LAMA3: variants seen among roughly 807,000 people sequenced by gnomAD.
LAMA3 encodes laminin subunit alpha 3.
In LAMA3, 281 loss-of-function variants were observed where a neutral mutation model predicts 402.0. That is an observed-to-expected ratio of 0.70 (90% confidence interval 0.63 to 0.77). The LOEUF (loss-of-function observed/expected upper bound fraction) is 0.77, where lower values mean the gene tolerates loss of function less well. Ranked by LOEUF, LAMA3 falls within the 30% of genes least tolerant of loss-of-function variation. LAMA3 has a pLI of 0.00. For missense variants in LAMA3, 3,840 were observed against 4,215.5 expected (o/e 0.91, Z 2.47); for synonymous variants, 1,431 against 1,558.4 (o/e 0.92, Z 1.93).
intron 44 of LAMA3, among the ~76,000 whole-genome samples, chr18:23,895,687 CTCTT>C (rs2080853288): frequency 6.6e-6 from 1 of 152,104 alleles, no homozygotes; most frequent in Non-Finnish European, 1.5e-5. Flanking sequence ...TATGACTTAT[CTCTT>C]TCTCTTATTT....
intron 22 of LAMA3, 115 bp downstream of exon 22, chr18:23,826,914 T>A (rs1005785288): frequency 2.8e-6 from 2 of 703,350 alleles, no homozygotes; most frequent in Admixed American, 4.4e-5. Context: ...ATGCTCTGGA[T>A]AATTAGTTGT....
chr18:23,784,788 T>C (rs1362961581), intron 12 of LAMA3, among the ~76,000 whole-genome samples: 1 of 152,014 alleles, frequency 6.6e-6, no homozygotes, highest in Non-Finnish European at 1.5e-5. Flanking sequence ...TTTGCCCAAA[T>C]TATTCTCCCC....
intron 23 of LAMA3, among the ~76,000 whole-genome samples, chr18:23,831,985 G>A (rs2063497758): frequency 6.6e-6 from 1 of 152,156 alleles, no homozygotes. Context: ...AAGCAGTAAA[G>A]TTTCTGTGTG....
chr18:23,713,807 A>G, intron 1 of LAMA3, 113 bp from the exon 2 acceptor site: 6 of 907,304 alleles, frequency 6.6e-6, no homozygotes, highest in Non-Finnish European at 1.0e-5. Context: ...TCTAAGCTGT[A>G]TAAGATAGTC....
At chr18:23,947,837 A>C (rs1599175709) in intron 70 of LAMA3, among the ~76,000 whole-genome samples, 1 of 130,082 alleles carries the variant, frequency 7.7e-6, no homozygotes, top group African/African-American at 2.9e-5. Context: ...TTTGAGACGG[A>C]GTCTTGCTCT....
chr18:23,804,642 G>C (rs2062928110), intron 12 of LAMA3, among the ~76,000 whole-genome samples: 1 of 152,202 alleles, frequency 6.6e-6, no homozygotes. Flanking sequence ...ATGTAGGACA[G>C]TGATATAGTT....
intron 39 of LAMA3, among the ~76,000 whole-genome samples, chr18:23,876,982 C>T (rs1359294800): frequency 6.6e-6 from 1 of 152,214 alleles, no homozygotes; most frequent in Non-Finnish European, 1.5e-5. Flanking sequence ...GATCGTGCCA[C>T]TGCACTGCAG....
At chr18:23,946,358 C>G (rs2082714100) in intron 70 of LAMA3, 74 bp downstream of exon 70, 2 of 1,400,758 alleles carry the variant, frequency 1.4e-6, no homozygotes, top group Middle Eastern at 1.8e-4. Context: ...ATGAGATATT[C>G]AAAATACTCA....
intron 2 of LAMA3, among the ~76,000 whole-genome samples, chr18:23,720,677 C>T (rs1223177193): frequency 1.3e-5 from 2 of 152,166 alleles, no homozygotes; most frequent in East Asian, 1.9e-4. Flanking sequence ...TCATGAGGCA[C>T]AGCCCTTGAA....
At chr18:23,753,087 C>G (rs1435530094) in intron 5 of LAMA3, among the ~76,000 whole-genome samples, 1 of 152,226 alleles carries the variant, frequency 6.6e-6, no homozygotes, top group East Asian at 1.9e-4. Context: ...AGGGTATACA[C>G]ATATTTGTGG....
At position 23,939,079 on chromosome 18, in the gene LAMA3, T is replaced by G; in HGVS notation, c.8863-144T>G. ...CGCAGGAAGGGCTCTCAGCGGAAAC[T>G]TCCCATCTCCATGGTACCAGGCCTT... is the stretch of plus-strand genomic sequence containing the variant. On this transcript the variant is annotated intron_variant, in intron 67 of 74. Transcript: ENST00000313654. The G allele has an allele frequency of 3.5e-6, 3 of 849,172 alleles. No individual in the cohort carries two copies. In the South Asian group the frequency reaches 4.3e-5, roughly 12 times the overall value. The allele number at this position is 849,172 out of a possible 1,614,324, so 52.6% of individuals were successfully genotyped here. A position where few individuals can be genotyped will look rare whatever the true frequency, so the allele number is the denominator to read the frequency against.
chr18:23,730,479 T>G (rs1399319434), intron 2 of LAMA3, among the ~76,000 whole-genome samples: 1 of 151,566 alleles, frequency 6.6e-6, no homozygotes, highest in East Asian at 2.0e-4. Flanking sequence ...GCGATTCTCC[T>G]GATTCAGCCT....
intron 49 of LAMA3, among the ~76,000 whole-genome samples, chr18:23,903,343 T>C (rs1033958535): frequency 1.3e-5 from 2 of 152,224 alleles, no homozygotes; most frequent in Non-Finnish European, 2.9e-5. Flanking sequence ...TTGTCCGCAA[T>C]GAGCAAATCA....
rs2062310666 is a variant in LAMA3, at chr18:23,776,040, T to G, written c.1405+117T>G. 8 of 1,046,220 alleles carry G rather than the reference T, an allele frequency of 7.6e-6. No individual in the cohort carries two copies. In the East Asian group the frequency reaches 1.9e-4, roughly 25 times the overall value. The allele number at this position is 1,046,220 out of a possible 1,614,324, so 64.8% of individuals were successfully genotyped here. On this transcript the variant is annotated intron_variant, in intron 10 of 74. Transcript: ENST00000313654. ...AAGGAGAGACAGAAATGGGGCCAGG[T>G]GGGTTGTATTTATGTAAAAGTGTTT... is the stretch of plus-strand genomic sequence containing the variant.
chr18:23,942,766 C>T (rs2082569966), intron 68 of LAMA3, among the ~76,000 whole-genome samples: 1 of 152,024 alleles, frequency 6.6e-6, no homozygotes, highest in African/African-American at 2.4e-5. Flanking sequence ...TTAGTAGAGA[C>T]AGGGTTTCCC....
chr18:23,861,771 G>A lies in LAMA3; in HGVS notation c.4548G>A (p.Ala1516=), dbSNP rs765067725. 5.3e-5 allele frequency: 85 copies of A among 1,613,556 alleles called. No homozygotes were observed. The highest frequency in any genetic ancestry group is 4.3e-4 in the African/African-American group (32 of 74,908). The change falls in exon 35 of 75, where the codon GCG becomes GCA. Residue 1516 remains alanine (A), a synonymous_variant. Transcript: ENST00000313654. The part of the protein sequence containing the change: ...LQELPATIHS[A]SWVAPTSYLG... Reference sequence around the variant, plus strand: ...AGCTGCCCGCAACCATCCACAGCGCGTCCTGGGTCGCACCCACCTCCTACC... The same window carrying A: ...AGCTGCCCGCAACCATCCACAGCGCATCCTGGGTCGCACCCACCTCCTACC...
chr18:23,767,884 T>C (rs1232068516), intron 8 of LAMA3, among the ~76,000 whole-genome samples: 1 of 152,116 alleles, frequency 6.6e-6, no homozygotes, highest in African/African-American at 2.4e-5. Flanking sequence ...GGAAAGGTCT[T>C]TCTATTCAAT....
chr18:23,802,376 T>C (rs1465627188), intron 12 of LAMA3, among the ~76,000 whole-genome samples: 2 of 152,212 alleles, frequency 1.3e-5, no homozygotes, highest in Non-Finnish European at 2.9e-5. Flanking sequence ...ATCTTCATTC[T>C]TGAAGGGTCT....
chr18:23,840,549 A>AC (rs2063678745), intron 27 of LAMA3, among the ~76,000 whole-genome samples: 1 of 149,352 alleles, frequency 6.7e-6, no homozygotes, highest in Admixed American at 6.7e-5. Context: ...TGCCCAGCTA[A>AC]TTTTTTTTTT....
Sources: allele counts gnomAD v4.1 joint callset (sites outside exome capture counted in the v4.1 genomes callset), GRCh38; gene constraint gnomAD v4.1.1; transcripts MANE v1.5; gene names NCBI Gene and HGNC (gene_info 2026-07-23, HGNC 2026-07-21).